TSG101: variants seen among roughly 807,000 people sequenced by gnomAD.
TSG101 encodes tumor susceptibility gene 101 protein.
Under a neutral mutation model 48.5 loss-of-function variants are expected in TSG101, and 19 were observed. That is an observed-to-expected ratio of 0.39 (90% CI 0.27 to 0.58). TSG101 has a LOEUF of 0.58. Among genes scored for constraint, TSG101 ranks in the 20% least tolerant of loss-of-function variants. The probability of loss-of-function intolerance (pLI) is 0.55; values close to 1 mark genes in which losing one functional copy is unlikely to be tolerated. For missense variants in TSG101, 365 were observed against 484.4 expected (o/e 0.75, Z 2.31); for synonymous variants, 174 against 169.4 (o/e 1.03, Z -0.21).
intron 5 of TSG101, 149 bp downstream of exon 5, chr11:18,509,393 A>C: frequency 9.6e-7 from 1 of 1,040,058 alleles, no homozygotes; most frequent in Admixed American, 2.9e-5. Flanking sequence ...CTGTACATGC[A>C]GATGTGGGGC....
Position 18,499,402 on chromosome 11 carries a change from A to ATATATTT in TSG101, c.640+3083_640+3084insAAATATA. ...TTTAAATATATATATATATATATATATTTTTTTTTTTTTTTTTTTTTTTCC... is the reference window on the plus strand; with the variant it reads ...TTTAAATATATATATATATATATATATATATTTTTTTTTTTTTTTTTTTTTTTTTTCC... On this transcript the variant is annotated intron_variant, in intron 7 of 9. Transcript: ENST00000251968. 2.0e-3 allele frequency among the ~76,000 whole-genome samples: 11 copies of ATATATTT among 5,454 alleles called. 2 individuals are homozygous for ATATATTT. In the East Asian group the frequency reaches 0.056, roughly 28 times the overall value. The allele number at this position is 5,454 out of a possible 152,430, so 3.6% of individuals were successfully genotyped here. A position where few individuals can be genotyped will look rare whatever the true frequency, so the allele number is the denominator to read the frequency against.
At chr11:18,509,730 G>A in intron 4 of TSG101, 65 bp from the exon 5 acceptor site, 1 of 1,481,268 alleles carries the variant, frequency 6.8e-7, no homozygotes, top group South Asian at 1.5e-5. Context: ...AAAAAGGTTA[G>A]CCATTTCTCA....
At chr11:18,484,190 A>G (rs1337868034) in intron 7 of TSG101, 118 bp from the exon 8 acceptor site, 2 of 956,094 alleles carry the variant, frequency 2.1e-6, no homozygotes, top group Non-Finnish European at 3.1e-6. Context: ...GTGAGGAAAG[A>G]AAAAAATTAT....
chr11:18,499,244 T>TATTTATATATGATATATAATTATAG (rs1849834837), intron 7 of TSG101, among the ~76,000 whole-genome samples: 1 of 136,836 alleles, frequency 7.3e-6, no homozygotes. Context: ...TATAATTATA[T>TATTTATATATGATATATAATTATAG]ATTTATATAT....
At chr11:18,519,833 A>G (rs1179258544) in intron 1 of TSG101, among the ~76,000 whole-genome samples, 1 of 152,180 alleles carries the variant, frequency 6.6e-6, no homozygotes. Flanking sequence ...TTGAATCAGG[A>G]TCCAAATAAA....
intron 5 of TSG101, chr11:18,508,536 A>T (rs1850015781): frequency 6.6e-6 from 1 of 152,126 alleles, no homozygotes; most frequent in South Asian, 2.1e-4. Context: ...ACTCTTGGGC[A>T]CTAGAGTCAA....
chr11:18,502,972 G>T (rs1451601666), intron 6 of TSG101, among the ~76,000 whole-genome samples: 1 of 152,144 alleles, frequency 6.6e-6, no homozygotes, highest in Non-Finnish European at 1.5e-5. Flanking sequence ...AACCTTTGGG[G>T]ATATTTAACC....
intron 7 of TSG101, among the ~76,000 whole-genome samples, chr11:18,490,011 C>T (rs1478014780): frequency 6.6e-6 from 1 of 152,154 alleles, no homozygotes; most frequent in Non-Finnish European, 1.5e-5. Context: ...ACACAGTAAT[C>T]CTGTCAATGT....
chr11:18,517,287 T>C (rs1321126027), intron 2 of TSG101, among the ~76,000 whole-genome samples: 3 of 151,782 alleles, frequency 2.0e-5, no homozygotes, highest in East Asian at 1.9e-4. Flanking sequence ...AGTATTAAAA[T>C]GAAAAAAAGA....
At chr11:18,513,982 G>C (rs574248428) in intron 4 of TSG101, among the ~76,000 whole-genome samples, 73 of 152,086 alleles carry the variant, frequency 4.8e-4, no homozygotes, top group African/African-American at 1.7e-3. Context: ...AGTAGGTTGA[G>C]TCTACCAAGC....
intron 7 of TSG101, among the ~76,000 whole-genome samples, chr11:18,490,073 GT>G (rs1849677120): frequency 9.3e-6 from 1 of 107,798 alleles, no homozygotes; most frequent in African/African-American, 2.8e-5. Flanking sequence ...ACCAATCTGA[GT>G]TTTAGAATAC....
At position 18,525,036 on chromosome 11, in the gene TSG101, G is replaced by A. The variant is rs983533938; in HGVS notation, c.42+1739C>T. 3.3e-5 allele frequency among the ~76,000 whole-genome samples: 5 copies of A among 150,472 alleles called. 1 individual carries two copies. Among genetic ancestry groups the A allele is most frequent in the African/African-American group, 2.4e-5 (1 of 40,914 alleles). ...AGCGATTCTCCCATCTCAGCCTCCC[G>A]AGTAGGCTGGGATTACAGGCACCCG... is the stretch of plus-strand genomic sequence containing the variant. On this transcript the variant is annotated intron_variant, in intron 1 of 9. Transcript: ENST00000251968.
intron 7 of TSG101, 80 bp from the exon 8 acceptor site, chr11:18,484,152 G>C: frequency 7.1e-7 from 1 of 1,415,930 alleles, no homozygotes; most frequent in Non-Finnish European, 9.8e-7. Flanking sequence ...TCAGAAAAGG[G>C]GGCAATATGA....
chr11:18,496,122 G>T (rs1849772694), intron 7 of TSG101, among the ~76,000 whole-genome samples: 1 of 152,036 alleles, frequency 6.6e-6, no homozygotes, highest in African/African-American at 2.4e-5. Flanking sequence ...TAATATTTTT[G>T]AACATCTGGT....
At chr11:18,497,049 C>T (rs751139551) in intron 7 of TSG101, among the ~76,000 whole-genome samples, 4 of 152,136 alleles carry the variant, frequency 2.6e-5, no homozygotes, top group Non-Finnish European at 4.4e-5. Context: ...CAAGATCGCG[C>T]CACTGCACTC....
At chr11:18,490,215 T>C (rs554018616) in intron 7 of TSG101, 71 of 477,626 alleles carry the variant, frequency 1.5e-4, no homozygotes, top group African/African-American at 1.3e-3. Context: ...TTGAACAGAT[T>C]ACAAAGCACA....
chr11:18,520,080 T>TCC (rs1850244164), intron 1 of TSG101, among the ~76,000 whole-genome samples: 1 of 152,190 alleles, frequency 6.6e-6, no homozygotes, highest in Non-Finnish European at 1.5e-5. Context: ...ATTCTACTTG[T>TCC]CCCCAGCCTT....
chr11:18,517,305 A>G (rs569882301), intron 2 of TSG101, among the ~76,000 whole-genome samples: 1 of 152,176 alleles, frequency 6.6e-6, no homozygotes, highest in South Asian at 2.1e-4. Flanking sequence ...AGAAAAGTTC[A>G]TAGCCAAATA....
intron 7 of TSG101, among the ~76,000 whole-genome samples, chr11:18,499,556 G>A (rs1223688407): frequency 3.4e-5 from 5 of 148,034 alleles, no homozygotes; most frequent in African/African-American, 1.2e-4. Flanking sequence ...GATTACAGGC[G>A]TGCGCCACCA....
Sources: gnomAD v4.1 joint callset for allele counts (sites outside exome capture counted in the v4.1 genomes callset) on GRCh38, gnomAD v4.1.1 for gene constraint, MANE v1.5 for transcripts, NCBI Gene and HGNC (gene_info 2026-07-23, HGNC 2026-07-21) for gene names.